CNTN5: variants seen among roughly 807,000 people sequenced by gnomAD.
CNTN5 encodes the protein contactin-5.
CNTN5 carries 77 observed loss-of-function variants against 129.1 expected under a neutral mutation model. That is an observed-to-expected ratio of 0.60 (90% CI 0.50 to 0.72). The LOEUF (loss-of-function observed/expected upper bound fraction) is 0.72, where lower values mean the gene tolerates loss of function less well. CNTN5 is among the 30% of genes least tolerant of loss of function. CNTN5 has a pLI of 0.00. For synonymous variants in CNTN5, 509 were observed against 465.6 expected (o/e 1.09, Z -1.20); for missense variants, 1,478 against 1,328.8 (o/e 1.11, Z -1.75).
intron 3 of CNTN5, among the ~76,000 whole-genome samples, chr11:99,652,184 T>C (rs1834893009): frequency 6.6e-6 from 1 of 152,066 alleles, no homozygotes; most frequent in Admixed American, 6.6e-5. Flanking sequence ...AGGTTAAGAC[T>C]GAAGTCTTCA....
At chr11:99,675,755 A>C (rs777470522) in intron 3 of CNTN5, among the ~76,000 whole-genome samples, 7 of 152,176 alleles carry the variant, frequency 4.6e-5, no homozygotes, top group Non-Finnish European at 8.8e-5. Context: ...GTTTTATATT[A>C]ATGGGAGGAA....
chr11:99,624,559 A>G (rs1951062907), intron 3 of CNTN5, among the ~76,000 whole-genome samples: 2 of 152,278 alleles, frequency 1.3e-5, no homozygotes, highest in South Asian at 4.1e-4. Context: ...ATTTTTGACC[A>G]TATATTGCCA....
chr11:100,115,236 C>T (rs536574937), intron 13 of CNTN5, among the ~76,000 whole-genome samples: 1 of 151,338 alleles, frequency 6.6e-6, no homozygotes, highest in East Asian at 2.0e-4. Context: ...AGCAAAATGG[C>T]TTTAGTTCCT....
chr11:99,535,827 G>A (rs117117024), intron 2 of CNTN5, among the ~76,000 whole-genome samples: 1 of 152,176 alleles, frequency 6.6e-6, no homozygotes. Flanking sequence ...AGATGCAGGA[G>A]ACTTAATTGA....
intron 15 of CNTN5, among the ~76,000 whole-genome samples, chr11:100,220,168 T>TC (rs1949231370): frequency 6.6e-6 from 1 of 151,896 alleles, no homozygotes; most frequent in Non-Finnish European, 1.5e-5. Flanking sequence ...TCCCAGCTAC[T>TC]CGGGAGGCTA....
intron 1 of CNTN5, among the ~76,000 whole-genome samples, chr11:99,258,760 A>G (rs1472056747): frequency 6.6e-6 from 1 of 151,912 alleles, no homozygotes; most frequent in Non-Finnish European, 1.5e-5. Context: ...AAAAAAGAAA[A>G]TTATTAGGGG....
intron 3 of CNTN5, among the ~76,000 whole-genome samples, chr11:99,570,337 T>C (rs1012566258): frequency 6.6e-6 from 1 of 152,212 alleles, no homozygotes; most frequent in Non-Finnish European, 1.5e-5. Flanking sequence ...AGGAATTGAC[T>C]GTTTTTAAAA....
At chr11:100,336,305 G>A (rs569396669) in intron 21 of CNTN5, among the ~76,000 whole-genome samples, 10 of 152,162 alleles carry the variant, frequency 6.6e-5, no homozygotes, top group African/African-American at 9.6e-5. Flanking sequence ...ATATTTGCAC[G>A]GCAGCATTTT....
At chr11:99,338,265 A>G (rs1216913992) in intron 2 of CNTN5, among the ~76,000 whole-genome samples, 2 of 152,182 alleles carry the variant, frequency 1.3e-5, no homozygotes, top group African/African-American at 2.4e-5. Context: ...AAACAGCTCT[A>G]TACTTGAGTC....
At chr11:99,384,967 G>T (rs1940833311) in intron 2 of CNTN5, among the ~76,000 whole-genome samples, 2 of 151,948 alleles carry the variant, frequency 1.3e-5, no homozygotes, top group South Asian at 4.2e-4. Context: ...ACTATTAAAT[G>T]GCAATGTATT....
At chr11:99,730,356 G>A (rs1943489330) in intron 3 of CNTN5, among the ~76,000 whole-genome samples, 1 of 152,096 alleles carries the variant, frequency 6.6e-6, no homozygotes, top group Admixed American at 6.5e-5. Flanking sequence ...TTACCTGATT[G>A]GTTTTACTTT....
At chr11:99,745,124 T>C (rs1944013080) in intron 3 of CNTN5, among the ~76,000 whole-genome samples, 1 of 152,174 alleles carries the variant, frequency 6.6e-6, no homozygotes, top group South Asian at 2.1e-4. Context: ...ACCTAAAATA[T>C]ATGTTCTTGG....
At chr11:99,759,362 C>T (rs1944502756) in intron 3 of CNTN5, among the ~76,000 whole-genome samples, 1 of 151,878 alleles carries the variant, frequency 6.6e-6, no homozygotes, top group Admixed American at 6.6e-5. Flanking sequence ...CCTACCTTCC[C>T]CTCATGAGTT....
intron 13 of CNTN5, among the ~76,000 whole-genome samples, chr11:100,098,422 C>T (rs1373756881): frequency 6.6e-6 from 1 of 151,786 alleles, no homozygotes; most frequent in African/African-American, 2.4e-5. Context: ...TAAGAAAGCC[C>T]TCTTTTGACT....
chr11:100,303,141 C>G (rs1951267111), intron 20 of CNTN5, among the ~76,000 whole-genome samples: 1 of 151,500 alleles, frequency 6.6e-6, no homozygotes, highest in Non-Finnish European at 1.5e-5. Context: ...TATTTGCCTG[C>G]CAAGATATCC....
intron 2 of CNTN5, among the ~76,000 whole-genome samples, chr11:99,342,602 AG>A (rs758403996): frequency 6.2e-4 from 71 of 114,754 alleles, no homozygotes; most frequent in Admixed American, 1.8e-3. Flanking sequence ...AAAAAAAAAA[AG>A]CAGGGCGTGG....
chr11:100,107,986 A>ATTT lies in CNTN5; in HGVS notation c.1580+33706_1580+33708dup, dbSNP rs35920036. ...ACCTAAACAGAGAATAGTGGGGATA[A>ATTT]TTTTTTTTTTTTTTTTGTAAAGAAA... On this transcript the variant is annotated intron_variant, in intron 13 of 24. Coordinates refer to ENST00000524871, the MANE Select transcript of CNTN5 (RefSeq NM_014361.4). Among the ~76,000 whole-genome samples the ATTT allele has an allele frequency of 1.7e-3, 239 of 142,498 alleles. 4 individuals are homozygous for ATTT. The Middle Eastern group carries it at 0.023, about 14-fold the overall frequency. The allele number at this position is 142,498 out of a possible 152,430, so 93.5% of individuals were successfully genotyped here.
chr11:99,675,050 G>A (rs144269055), intron 3 of CNTN5, among the ~76,000 whole-genome samples: 1 of 115,820 alleles, frequency 8.6e-6, no homozygotes, highest in African/African-American at 2.9e-5. Flanking sequence ...TTTTGTTTCA[G>A]GCTGACACTA....
At chr11:99,927,830 A>T (rs1950098004) in intron 7 of CNTN5, among the ~76,000 whole-genome samples, 1 of 152,150 alleles carries the variant, frequency 6.6e-6, no homozygotes, top group Middle Eastern at 3.2e-3. Flanking sequence ...AAACACAGTC[A>T]TGCCCTTCTA....
Sources: allele counts gnomAD v4.1 joint callset (sites outside exome capture counted in the v4.1 genomes callset), GRCh38; gene constraint gnomAD v4.1.1; transcripts MANE v1.5; gene names NCBI Gene and HGNC (gene_info 2026-07-23, HGNC 2026-07-21).